RIC8B: variants seen among roughly 807,000 people sequenced by gnomAD.
The protein encoded by RIC8B is RIC8 guanine nucleotide exchange factor B.
RIC8B carries 16 observed loss-of-function variants against 57.5 expected under a neutral mutation model. That is an observed-to-expected ratio of 0.28 (90% CI 0.19 to 0.42). The LOEUF (loss-of-function observed/expected upper bound fraction) is 0.42. RIC8B is among the 10% of genes least tolerant of loss of function. The pLI is 1.00. For synonymous variants in RIC8B, 216 were observed against 250.8 expected (o/e 0.86, Z 1.31); for missense variants, 481 against 677.0 (o/e 0.71, Z 3.21).
intron 1 of RIC8B, among the ~76,000 whole-genome samples, chr12:106,782,677 C>T (rs1049646541): frequency 9.2e-5 from 14 of 152,214 alleles, no homozygotes; most frequent in Non-Finnish European, 1.9e-4. Context: ...GCCACTCTCT[C>T]CTACCTCTGA....
At chr12:106,778,538 C>T (rs2043596277) in intron 1 of RIC8B, among the ~76,000 whole-genome samples, 1 of 152,170 alleles carries the variant, frequency 6.6e-6, no homozygotes, top group Non-Finnish European at 1.5e-5. Flanking sequence ...TTATCCCAAG[C>T]ATTTTCACAT....
At chr12:106,805,065 G>A (rs929538084) in intron 2 of RIC8B, among the ~76,000 whole-genome samples, 1 of 152,202 alleles carries the variant, frequency 6.6e-6, no homozygotes, top group Non-Finnish European at 1.5e-5. Context: ...GTTTTAGAAA[G>A]GTGAGTTATG....
chr12:106,788,001 C>T (rs2044110528), intron 2 of RIC8B, among the ~76,000 whole-genome samples: 1 of 152,216 alleles, frequency 6.6e-6, no homozygotes, highest in Admixed American at 6.5e-5. Flanking sequence ...CAAGTCCCTT[C>T]CGCCTATGAG....
At chr12:106,844,024 C>A in intron 6 of RIC8B, 77 bp downstream of exon 6, 1 of 1,010,532 alleles carries the variant, frequency 9.9e-7, no homozygotes, top group Non-Finnish European at 1.5e-6. Context: ...ATTGAATTTT[C>A]TCACAATGAT....
At chr12:106,787,946 C>T (rs191868348) in intron 2 of RIC8B, among the ~76,000 whole-genome samples, 3 of 152,236 alleles carry the variant, frequency 2.0e-5, no homozygotes, top group East Asian at 1.9e-4. Context: ...CTCATTTCAG[C>T]GTTAACCCAA....
chr12:106,823,571 A>G (rs994425158), intron 3 of RIC8B: 8 of 380,964 alleles, frequency 2.1e-5, no homozygotes, highest in African/African-American at 1.1e-4. Context: ...AAAGGAAAAT[A>G]TAATTTAAAG....
At chr12:106,842,217 C>T (rs1050718166) in intron 4 of RIC8B, among the ~76,000 whole-genome samples, 3 of 152,120 alleles carry the variant, frequency 2.0e-5, no homozygotes, top group African/African-American at 7.2e-5. Context: ...AATAAAACAC[C>T]AGTGGATCCA....
chr12:106,811,925 TAGA>T lies in RIC8B; in HGVS notation c.133-2767_133-2765del, dbSNP rs774427069. Among the ~76,000 whole-genome samples the T allele has an allele frequency of 4.6e-5, 7 of 152,326 alleles. No individual in the cohort carries two copies. The South Asian group carries it at 1.2e-3, about 27-fold the overall frequency. On this transcript the variant is annotated intron_variant, in intron 2 of 9. Coordinates refer to ENST00000392837, the MANE Select transcript of RIC8B (RefSeq NM_001330145.2). ...GGAAGCAGTACACAAACTCAACAGA[TAGA>T]AGAGCTACAAAGAATGCTGCCTTTT...
At chr12:106,869,746 C>G (rs1447958400) in intron 8 of RIC8B, among the ~76,000 whole-genome samples, 1 of 152,112 alleles carries the variant, frequency 6.6e-6, no homozygotes, top group Non-Finnish European at 1.5e-5. Context: ...TGAGACCAGC[C>G]AGGCCAACAT....
intron 8 of RIC8B, among the ~76,000 whole-genome samples, chr12:106,862,129 T>C (rs1949969914): frequency 6.6e-6 from 1 of 152,114 alleles, no homozygotes; most frequent in Admixed American, 6.6e-5. Flanking sequence ...GGAAAGTTTC[T>C]GTACTTAAGC....
chr12:106,865,637 C>T (rs1665255243), intron 8 of RIC8B, among the ~76,000 whole-genome samples: 1 of 152,152 alleles, frequency 6.6e-6, no homozygotes, highest in South Asian at 2.1e-4. Flanking sequence ...TGCTACCACT[C>T]TGGTCCAAGC....
At chr12:106,875,694 A>G (rs61942364) in intron 9 of RIC8B, among the ~76,000 whole-genome samples, 1,877 of 152,226 alleles carry the variant, frequency 0.012, 18 homozygotes, top group Middle Eastern at 0.027. Context: ...TGCCATCAAA[A>G]TCTATGTTTT....
At chr12:106,845,958 A>G (rs1206852891) in intron 6 of RIC8B, among the ~76,000 whole-genome samples, 1 of 152,148 alleles carries the variant, frequency 6.6e-6, no homozygotes, top group Non-Finnish European at 1.5e-5. Context: ...CTTGGTTTCT[A>G]GGACACAATA....
At chr12:106,775,939 A>G (rs1306735757) in intron 1 of RIC8B, among the ~76,000 whole-genome samples, 1 of 152,130 alleles carries the variant, frequency 6.6e-6, no homozygotes, top group Non-Finnish European at 1.5e-5. Context: ...TCCACTTTGT[A>G]TTACTGACAA....
At position 106,774,808 on chromosome 12, in the gene RIC8B, C is replaced by T. The variant is rs2043361845; in HGVS notation, c.63C>T (p.Val21=). Residue 21 remains valine, a synonymous_variant, in exon 1 of 10, where the codon GTC becomes GTT. Transcript: ENST00000392837. ...GCGAAGCAGGGGCTATCGAGCGGGTCCTGAGGGATTACAGCGACAAGGTAA... is the reference window on the plus strand; with the variant it reads ...GCGAAGCAGGGGCTATCGAGCGGGTTCTGAGGGATTACAGCGACAAGGTAA... ...RAGEAGAIER[V]LRDYSDKHRA... is the part of the protein sequence containing the mutation. 1 of 1,553,994 alleles carries T rather than the reference C, an allele frequency of 6.4e-7. No individual in the cohort carries two copies. The highest frequency in any genetic ancestry group is 8.7e-7 in the Non-Finnish European group (1 of 1,148,162).
At chr12:106,782,215 T>A (rs1183321973) in intron 1 of RIC8B, among the ~76,000 whole-genome samples, 1 of 152,216 alleles carries the variant, frequency 6.6e-6, no homozygotes, top group East Asian at 1.9e-4. Context: ...CTTTTTTTCT[T>A]CCACTATGTT....
intron 2 of RIC8B, among the ~76,000 whole-genome samples, chr12:106,802,974 C>CA (rs2044805655): frequency 6.6e-6 from 1 of 151,810 alleles, no homozygotes; most frequent in Non-Finnish European, 1.5e-5. Flanking sequence ...CTTTGGGAGG[C>CA]AAAGGTGAGG....
chr12:106,775,066 T>C, intron 1 of RIC8B: 1 of 550,090 alleles, frequency 1.8e-6, no homozygotes, highest in Non-Finnish European at 3.3e-6. Context: ...CAGCTTGACC[T>C]CCGGTCCTCC....
rs1488379595 is a variant in RIC8B at position 106,879,597 on chromosome 12, T to C, written c.1572-6307T>C. On this transcript the variant is annotated intron_variant, in intron 9 of 9. Coordinates refer to ENST00000392837, the MANE Select transcript of RIC8B (RefSeq NM_001330145.2). The surrounding 1 kb of genome is among the most constrained non-coding windows in gnomAD (Gnocchi z 4.9). The stretch of plus-strand genomic sequence containing the variant: ...AAATTCCGTATCTCCCATCCCTAGC[T>C]CTTTAAGAAATTATTTTTTTGGTTT... 1 of 985,312 alleles carries C rather than the reference T, an allele frequency of 1.0e-6. No homozygotes were observed. The highest frequency in any genetic ancestry group is 1.2e-6 in the Non-Finnish European group (1 of 829,874). 61.0% of individuals were successfully genotyped at this position (985,312 alleles called of 1,614,324 possible).
Sources: gnomAD v4.1 joint callset for allele counts (sites outside exome capture counted in the v4.1 genomes callset) on GRCh38, gnomAD v4.1.1 for gene constraint, Gnocchi (gnomAD v3.1) non-coding constraint, MANE v1.5 for transcripts, NCBI Gene and HGNC (gene_info 2026-07-23, HGNC 2026-07-21) for gene names.